Variants in RTN4RL1 observed in about 807,000 individuals in gnomAD.
RTN4RL1 encodes the protein reticulon-4 receptor-like 1.
Under a neutral mutation model 25.6 loss-of-function variants are expected in RTN4RL1, and 7 were observed. The ratio of observed to expected loss-of-function variants is 0.27; its 90% CI spans 0.16 to 0.51. The LOEUF (loss-of-function observed/expected upper bound fraction) is 0.51, where lower values mean the gene tolerates loss of function less well. Among genes scored for constraint, RTN4RL1 ranks in the 20% least tolerant of loss-of-function variants. RTN4RL1 has a pLI of 0.97. For missense variants in RTN4RL1, 500 were observed against 615.6 expected, an observed-to-expected ratio of 0.81 and a Z score of 1.99; for synonymous variants, 297 against 288.2, an observed-to-expected ratio of 1.03 and a Z score of -0.31.
intron 1 of RTN4RL1, among the ~76,000 whole-genome samples, chr17:1,976,078 C>G (rs564441734): frequency 5.4e-4 from 83 of 152,318 alleles, no homozygotes; most frequent in African/African-American, 2.0e-3. Flanking sequence ...CAAATGCACC[C>G]TTGTTCTTTC....
At chr17:1,954,761 G>A (rs1915756903) in intron 1 of RTN4RL1, among the ~76,000 whole-genome samples, 1 of 152,184 alleles carries the variant, frequency 6.6e-6, no homozygotes. Context: ...GGTACATAGA[G>A]GTCATCCTGC....
chr17:1,961,773 C>CA (rs1163170575), intron 1 of RTN4RL1, among the ~76,000 whole-genome samples: 2,150 of 55,522 alleles, frequency 0.039, 88 homozygotes, highest in South Asian at 0.096. Flanking sequence ...ACTAAAAATA[C>CA]AAAAAAAAAA....
At chr17:1,977,285 G>T in intron 1 of RTN4RL1, among the ~76,000 whole-genome samples, 1 of 152,200 alleles carries the variant, frequency 6.6e-6, no homozygotes, top group East Asian at 1.9e-4. Context: ...CAATAGAAAG[G>T]CAGAGTCAGG....
chr17:2,001,719 C>A (rs1351107146), intron 1 of RTN4RL1, among the ~76,000 whole-genome samples: 1 of 152,230 alleles, frequency 6.6e-6, no homozygotes, highest in Non-Finnish European at 1.5e-5. Flanking sequence ...TCCTGTACTG[C>A]TGGGGACTAG....
chr17:1,996,397 C>A (rs1219170874), intron 1 of RTN4RL1, among the ~76,000 whole-genome samples: 1 of 149,840 alleles, frequency 6.7e-6, no homozygotes, highest in Non-Finnish European at 1.5e-5. Context: ...CCCCTCCCCC[C>A]CGGCCCAAGG....
intron 1 of RTN4RL1, among the ~76,000 whole-genome samples, chr17:1,982,531 C>T (rs1433584102): frequency 6.6e-6 from 1 of 150,938 alleles, no homozygotes; most frequent in Non-Finnish European, 1.5e-5. Context: ...AGGAGAATGG[C>T]ATGAACCAGG....
chr17:1,984,823 C>G, intron 1 of RTN4RL1, among the ~76,000 whole-genome samples: 1 of 152,030 alleles, frequency 6.6e-6, no homozygotes, highest in Admixed American at 6.6e-5. Context: ...AAAAATTAGC[C>G]GGGCGTGGTA....
chr17:1,966,162 C>A (rs2066790316), intron 1 of RTN4RL1, among the ~76,000 whole-genome samples: 1 of 152,162 alleles, frequency 6.6e-6, no homozygotes, highest in African/African-American at 2.4e-5. Context: ...CCCACCAGCG[C>A]CTAATTACAT....
At chr17:1,948,088 CA>C (rs1915595220) in intron 1 of RTN4RL1, among the ~76,000 whole-genome samples, 1 of 152,212 alleles carries the variant, frequency 6.6e-6, no homozygotes, top group Non-Finnish European at 1.5e-5. Flanking sequence ...CTGATGCACC[CA>C]ACCCGCCGCA....
rs1360222813 is a variant in RTN4RL1 at position 1,971,840 on chromosome 17, T to G, written c.14-34032A>C. Among the ~76,000 whole-genome samples, 2 of 151,570 alleles carry G rather than the reference T, an allele frequency of 1.3e-5. 1 individual carries two copies. The highest frequency in any genetic ancestry group is 4.2e-4 in the South Asian group (2 of 4,788). On this transcript the variant is annotated intron_variant, in intron 1 of 1. Transcript: ENST00000331238. ...AGCCAGGTGTGGTGGCGGGCGCCTGTAGTCCCAGCTACTCGGGAGGCTGAG... is the reference window on the plus strand; with the variant it reads ...AGCCAGGTGTGGTGGCGGGCGCCTGGAGTCCCAGCTACTCGGGAGGCTGAG...
intron 1 of RTN4RL1, among the ~76,000 whole-genome samples, chr17:1,948,977 G>C (rs1054083272): frequency 1.4e-5 from 2 of 143,444 alleles, no homozygotes; most frequent in African/African-American, 5.2e-5. Flanking sequence ...TTTTTTTTGA[G>C]ACGGAGTCTC....
At chr17:1,979,273 AAAAAAACCAAAATAAAAAAC>A (rs1324236878) in intron 1 of RTN4RL1, among the ~76,000 whole-genome samples, 33 of 152,122 alleles carry the variant, frequency 2.2e-4, no homozygotes, top group African/African-American at 7.7e-4. Flanking sequence ...ACTTTGCTTC[AAAAAAACCAAAATAAAAAAC>A]AAAAAACCCC....
At chr17:2,007,867 C>A (rs1434256711) in intron 1 of RTN4RL1, among the ~76,000 whole-genome samples, 1 of 150,474 alleles carries the variant, frequency 6.6e-6, no homozygotes, top group Non-Finnish European at 1.5e-5. Context: ...AATCGCTTGA[C>A]CCTGGAAGGA....
rs1269315201 is a variant in RTN4RL1 at position 2,025,064 on chromosome 17, C to T, written c.-199G>A. Reference sequence around the variant, plus strand: ...CCCGCGCCGAGGGCACCGGCGCCCGCAAGCAACCGTGGTGCTGCCCGGCAG... The same window carrying T: ...CCCGCGCCGAGGGCACCGGCGCCCGTAAGCAACCGTGGTGCTGCCCGGCAG... On this transcript the variant is annotated 5_prime_UTR_variant, in exon 1 of 2. Transcript: ENST00000331238. The surrounding 1 kb of genome is among the most constrained non-coding windows in gnomAD (Gnocchi z 4.8). The T allele has an allele frequency of 4.4e-6, 2 of 451,192 alleles. No individual in the cohort carries two copies. Among genetic ancestry groups the T allele is most frequent in the Non-Finnish European group, 7.7e-6 (2 of 259,678 alleles). 27.9% of individuals were successfully genotyped at this position (451,192 alleles called of 1,614,324 possible). A position where few individuals can be genotyped will look rare whatever the true frequency, so the allele number is the denominator to read the frequency against.
intron 1 of RTN4RL1, among the ~76,000 whole-genome samples, chr17:1,985,572 G>C (rs535120684): frequency 2.0e-5 from 3 of 152,302 alleles, no homozygotes; most frequent in African/African-American, 7.2e-5. Context: ...TAAAAGCCCA[G>C]ATTAATCGCC....
At chr17:1,939,148 C>T (rs35303223) in intron 1 of RTN4RL1, among the ~76,000 whole-genome samples, 30 of 151,934 alleles carry the variant, frequency 2.0e-4, no homozygotes, top group Admixed American at 5.2e-4. Context: ...GTCAGGAGAT[C>T]GAGACCATCC....
chr17:1,961,796 A>AAAG (rs2066763276), intron 1 of RTN4RL1, among the ~76,000 whole-genome samples: 2 of 145,282 alleles, frequency 1.4e-5, no homozygotes, highest in African/African-American at 2.6e-5. Flanking sequence ...AAAAAAAAAA[A>AAAG]AATTAGCAGG....
Position 2,021,593 on chromosome 17 carries a change from C to T in RTN4RL1, c.13+3260G>A, listed in dbSNP as rs1255425322. ...TTTTTGAGACAGAGTCTCGCATCTT[C>T]TCCTGGGCTGGAGTGCAGTGGTGCG... On this transcript the variant is annotated intron_variant, in intron 1 of 1. Coordinates refer to ENST00000331238, the MANE Select transcript of RTN4RL1 (RefSeq NM_178568.4). 4.9e-5 allele frequency among the ~76,000 whole-genome samples: 6 copies of T among 122,770 alleles called. No individual in the cohort carries two copies. In the Admixed American group the frequency reaches 5.7e-4, roughly 12 times the overall value. The allele number at this position is 122,770 out of a possible 152,430, so 80.5% of individuals were successfully genotyped here.
intron 1 of RTN4RL1, among the ~76,000 whole-genome samples, chr17:1,979,966 GGAGCT>G (rs112430721): frequency 1.4e-4 from 21 of 152,326 alleles, no homozygotes; most frequent in African/African-American, 4.3e-4. Context: ...CTGAGCCCCA[GGAGCT>G]GAAGGCCCAG....
Sources: gnomAD v4.1 joint callset for allele counts (sites outside exome capture counted in the v4.1 genomes callset) on GRCh38, gnomAD v4.1.1 for gene constraint, Gnocchi (gnomAD v3.1) non-coding constraint, MANE v1.5 for transcripts, NCBI Gene and HGNC (gene_info 2026-07-23, HGNC 2026-07-21) for gene names.